Variants in LHFPL7 observed in about 807,000 individuals in gnomAD.
LHFPL7 encodes LHFPL tetraspan subfamily member 7, also known as LHFPL tetraspan subfamily member 7 protein.
At chr22:24,944,086 A>G in the LHFPL7 span, among the ~76,000 whole-genome samples, 1 of 152,094 alleles carries the variant, frequency 6.6e-6, no homozygotes, top group Non-Finnish European at 1.5e-5. Context: ...CAGACCAACA[A>G]AATATAGCAA....
the LHFPL7 span, chr22:24,935,429 G>A: frequency 1.9e-6 from 3 of 1,613,970 alleles, no homozygotes; most frequent in African/African-American, 2.7e-5. Flanking sequence ...GCCAGCTGAT[G>A]ATGGGCAGGA....
the LHFPL7 span, among the ~76,000 whole-genome samples, chr22:24,945,335 A>C: frequency 7.2e-5 from 11 of 152,222 alleles, no homozygotes; most frequent in Non-Finnish European, 1.5e-4. Flanking sequence ...AAGCAGAGGG[A>C]GAAGTCTTCA....
the LHFPL7 span, chr22:24,939,229 C>T: frequency 1.5e-6 from 1 of 688,702 alleles, no homozygotes; most frequent in South Asian, 1.5e-5. Context: ...CTGGGACACT[C>T]AGGCAGTGAG....
chr22:24,940,464 C>T, the LHFPL7 span, among the ~76,000 whole-genome samples: 8 of 150,912 alleles, frequency 5.3e-5, no homozygotes, highest in Admixed American at 3.9e-4. Flanking sequence ...GGCGTGGGAG[C>T]GGGCGCCTGT....
the LHFPL7 span, among the ~76,000 whole-genome samples, chr22:24,936,775 C>A: frequency 1.3e-5 from 2 of 152,128 alleles, no homozygotes; most frequent in African/African-American, 4.8e-5. Flanking sequence ...GGGACCTCCT[C>A]CAAGAAGCTT....
chr22:24,937,883 T>A, the LHFPL7 span, among the ~76,000 whole-genome samples: 1 of 152,220 alleles, frequency 6.6e-6, no homozygotes, highest in South Asian at 2.1e-4. Context: ...ATGAAGTGGA[T>A]GGATGAGCGA....
At chr22:24,940,029 G>A in the LHFPL7 span, among the ~76,000 whole-genome samples, 2 of 143,792 alleles carry the variant, frequency 1.4e-5, no homozygotes, top group Non-Finnish European at 3.0e-5. Flanking sequence ...CCGGGGTCAC[G>A]CCATTCTCCT....
chr22:24,942,915 G>GTA, the LHFPL7 span, among the ~76,000 whole-genome samples: 1 of 151,380 alleles, frequency 6.6e-6, no homozygotes, highest in Non-Finnish European at 1.5e-5. Flanking sequence ...GTGTGTGTGT[G>GTA]TGTGTGTGTG....
chr22:24,935,293 A>T, the LHFPL7 span: 1 of 1,572,774 alleles, frequency 6.4e-7, no homozygotes, highest in South Asian at 1.1e-5. Context: ...GATTTCATAA[A>T]ACTCTGGAGT....
chr22:24,940,676 T>TC, the LHFPL7 span, among the ~76,000 whole-genome samples: 3 of 115,940 alleles, frequency 2.6e-5, no homozygotes, highest in African/African-American at 1.2e-4. Flanking sequence ...CTTCCTTCCC[T>TC]CCTTCCTTCT....
the LHFPL7 span, chr22:24,946,649 A>G: frequency 1.3e-5 from 2 of 152,354 alleles, no homozygotes; most frequent in African/African-American, 4.8e-5. Context: ...GTGACCTTAT[A>G]CAATTCTCCT....
the LHFPL7 span, chr22:24,935,535 T>C: frequency 1.2e-5 from 20 of 1,613,856 alleles, no homozygotes; most frequent in Non-Finnish European, 1.6e-5. Context: ...GCACACTTCC[T>C]TGATGAATGG....
chr22:24,944,077 A>C, the LHFPL7 span, among the ~76,000 whole-genome samples: 4 of 152,176 alleles, frequency 2.6e-5, no homozygotes, highest in Non-Finnish European at 5.9e-5. Context: ...CAGGCAAGAC[A>C]GACCAACAAA....
the LHFPL7 span, among the ~76,000 whole-genome samples, chr22:24,942,216 G>A: frequency 0.15 from 23,126 of 150,464 alleles, 1,949 homozygotes; most frequent in South Asian, 0.29. Context: ...GGATGGTCTC[G>A]ATCTCCTGAC....
the LHFPL7 span, among the ~76,000 whole-genome samples, chr22:24,942,164 T>G: frequency 1.3e-5 from 2 of 151,408 alleles, no homozygotes; most frequent in African/African-American, 4.9e-5. Flanking sequence ...CCGGCTAATT[T>G]TTTGTATTTT....
chr22:24,935,672 C>G, the LHFPL7 span: 1 of 1,520,002 alleles, frequency 6.6e-7, no homozygotes, highest in African/African-American at 1.4e-5. Flanking sequence ...GACTCATCCA[C>G]CCTTTATCCA....
the LHFPL7 span, among the ~76,000 whole-genome samples, chr22:24,937,681 C>G: frequency 1.3e-5 from 2 of 152,170 alleles, no homozygotes; most frequent in Non-Finnish European, 2.9e-5. Flanking sequence ...CAATGAAGAC[C>G]TGGCTAGTAT....
chr22:24,939,337 TC>T, the LHFPL7 span: 1 of 702,886 alleles, frequency 1.4e-6, no homozygotes. Flanking sequence ...GCTCTCACCT[TC>T]CAGGCAAAGT....
At chr22:24,935,354 A>C in the LHFPL7 span, 14 of 1,613,312 alleles carry the variant, frequency 8.7e-6, no homozygotes, top group Middle Eastern at 3.3e-4. Context: ...TTTCTGGCAC[A>C]AAGATGATTC....
Sources: allele counts gnomAD v4.1 joint callset (sites outside exome capture counted in the v4.1 genomes callset), GRCh38; gene constraint gnomAD v4.1.1; transcripts MANE v1.5; gene names NCBI Gene and HGNC (gene_info 2026-07-23, HGNC 2026-07-21).